The following R3HCC1L variants were observed in gnomAD, a reference collection of about 807,000 sequenced individuals.
The protein encoded by R3HCC1L is R3H domain and coiled-coil containing 1 like, also known as coiled-coil domain-containing protein R3HCC1L.
In R3HCC1L, 51 loss-of-function variants were observed where a neutral mutation model predicts 59.9. The observed-to-expected ratio is 0.85, with a 90% CI of 0.68 to 1.07. R3HCC1L has a LOEUF of 1.07. R3HCC1L is among the 50% of genes least tolerant of loss of function. The pLI is 0.00. For synonymous variants in R3HCC1L, 322 were observed against 315.2 expected (o/e 1.02, Z -0.23); for missense variants, 965 against 933.0 (o/e 1.03, Z -0.45).
intron 4 of R3HCC1L, among the ~76,000 whole-genome samples, chr10:98,180,850 T>C (rs1849551869): frequency 6.6e-6 from 1 of 152,184 alleles, no homozygotes. Context: ...TAAAGTCTGT[T>C]TTATGAGACT....
Position 98,208,515 on chromosome 10 carries a change from C to T in R3HCC1L, c.401C>T (p.Ala134Val), listed in dbSNP as rs777525173. The part of the protein sequence containing the change: ...GAPNAGVITN[A>V]PLQRHFKPKK... ...CCAAATGCTGGGGTTATAACTAATG[C>T]ACCTTTGCAGAGACATTTTAAACCA... Residue 134 changes from alanine (A) to valine (V), a missense_variant, in exon 5 of 10, where the codon GCA (alanine) becomes GTA (valine). Coordinates refer to ENST00000298999, the MANE Select transcript of R3HCC1L (RefSeq NM_001351015.2). 5.6e-6 allele frequency: 9 copies of T among 1,614,136 alleles called. No homozygotes were observed. The South Asian group carries it at 8.8e-5, about 16-fold the overall frequency.
intron 1 of R3HCC1L, among the ~76,000 whole-genome samples, chr10:98,155,143 A>G (rs1368875926): frequency 6.6e-6 from 1 of 152,160 alleles, no homozygotes; most frequent in Non-Finnish European, 1.5e-5. Context: ...TTTTTGGCCA[A>G]TGTTTTTAAT....
chr10:98,145,474 G>A (rs1186609984), intron 1 of R3HCC1L, among the ~76,000 whole-genome samples: 1 of 152,178 alleles, frequency 6.6e-6, no homozygotes, highest in Admixed American at 6.5e-5. Flanking sequence ...AATATATTCA[G>A]TTTTAGGCAT....
intron 4 of R3HCC1L, among the ~76,000 whole-genome samples, chr10:98,194,207 A>G (rs1023614376): frequency 6.6e-6 from 1 of 151,970 alleles, no homozygotes; most frequent in Non-Finnish European, 1.5e-5. Context: ...TTTGATGAGC[A>G]TACCAAGACT....
At chr10:98,186,550 CAG>C (rs1850238997) in intron 4 of R3HCC1L, 1 of 966,582 alleles carries the variant, frequency 1.0e-6, no homozygotes, top group African/African-American at 1.8e-5. Context: ...TCTGAGACTC[CAG>C]AGTCACCTAA....
chr10:98,183,666 G>C lies in R3HCC1L; in HGVS notation c.-15+20269G>C, dbSNP rs958816959. Reference sequence around the variant, plus strand: ...GTTTTTCATTCTCTTGTCATGTTTTGTGGGAGTAGTTTCTGTTGATGTCTT... The same window carrying C: ...GTTTTTCATTCTCTTGTCATGTTTTCTGGGAGTAGTTTCTGTTGATGTCTT... On this transcript the variant is annotated intron_variant, in intron 4 of 9. Transcript: ENST00000298999. Among the ~76,000 whole-genome samples the C allele has an allele frequency of 1.1e-4, 16 of 151,984 alleles. No individual in the cohort carries two copies. The East Asian group carries it at 1.2e-3, about 11-fold the overall frequency.
Position 98,209,860 on chromosome 10 carries a change from C to T in R3HCC1L, c.1746C>T (p.Asn582=), listed in dbSNP as rs538813584. Residue 582 remains asparagine (N), a synonymous_variant, in exon 5 of 10, where the codon AAC becomes AAT. Coordinates refer to ENST00000298999, the MANE Select transcript of R3HCC1L (RefSeq NM_001351015.2). ...AIEESWESMF[N]DDGDCLDPRL... ...AGGAGAGCTGGGAGTCTATGTTTAACGATGATGGTGACTGCCTGGATCCAC... is the reference window on the plus strand; with the variant it reads ...AGGAGAGCTGGGAGTCTATGTTTAATGATGATGGTGACTGCCTGGATCCAC... The T allele has an allele frequency of 2.5e-5, 41 of 1,613,246 alleles. No individual in the cohort carries two copies. Among genetic ancestry groups the T allele is most frequent in the Admixed American group, 1.7e-4 (10 of 59,972 alleles).
intron 5 of R3HCC1L, among the ~76,000 whole-genome samples, chr10:98,223,971 A>G (rs1855364142): frequency 1.3e-5 from 2 of 152,140 alleles, no homozygotes; most frequent in African/African-American, 2.4e-5. Context: ...CTGGCTCCCA[A>G]GCAGCACGCA....
intron 5 of R3HCC1L, among the ~76,000 whole-genome samples, chr10:98,230,855 A>G (rs1185892040): frequency 1.3e-5 from 2 of 152,010 alleles, no homozygotes; most frequent in Admixed American, 1.3e-4. Flanking sequence ...AGCTTTTTTT[A>G]TAGGACGGTA....
chr10:98,167,469 A>G (rs1287241615), intron 4 of R3HCC1L, among the ~76,000 whole-genome samples: 2 of 152,238 alleles, frequency 1.3e-5, no homozygotes, highest in Admixed American at 6.5e-5. Flanking sequence ...ACTCTACCTC[A>G]TTTATAAGTA....
At chr10:98,137,349 T>C (rs1844700076) in intron 1 of R3HCC1L, among the ~76,000 whole-genome samples, 1 of 152,376 alleles carries the variant, frequency 6.6e-6, no homozygotes, top group African/African-American at 2.4e-5. Flanking sequence ...GTAAATGGCA[T>C]TATGTCACAA....
intron 4 of R3HCC1L, among the ~76,000 whole-genome samples, chr10:98,169,069 T>A (rs1848240804): frequency 6.6e-6 from 1 of 152,214 alleles, no homozygotes. Context: ...TGAATTATTG[T>A]CAGCCTTTTT....
chr10:98,153,705 G>T (rs553756263), intron 1 of R3HCC1L, among the ~76,000 whole-genome samples: 1 of 150,020 alleles, frequency 6.7e-6, no homozygotes, highest in African/African-American at 2.4e-5. Flanking sequence ...TGGACTGTTT[G>T]TGGCAATAAG....
intron 5 of R3HCC1L, among the ~76,000 whole-genome samples, 153 bp from the exon 6 acceptor site, chr10:98,231,359 G>T (rs1191470560): frequency 6.6e-6 from 1 of 152,152 alleles, no homozygotes; most frequent in East Asian, 1.9e-4. Flanking sequence ...GATCATTATT[G>T]TATCTGTGAG....
At chr10:98,180,157 G>A (rs568856282) in intron 4 of R3HCC1L, among the ~76,000 whole-genome samples, 11 of 152,106 alleles carry the variant, frequency 7.2e-5, no homozygotes, top group South Asian at 4.2e-4. Flanking sequence ...TTAGGGTGTC[G>A]ATTTTAGATC....
Position 98,236,004 on chromosome 10 carries a change from C to A in R3HCC1L, c.2129-20C>A, listed in dbSNP as rs1246439218. The A allele has an allele frequency of 6.2e-7, 1 of 1,609,120 alleles. No homozygotes were observed. The highest frequency in any genetic ancestry group is 1.7e-5 in the Admixed American group (1 of 59,418). On this transcript the variant is annotated intron_variant, in intron 8 of 9. Coordinates refer to ENST00000298999, the MANE Select transcript of R3HCC1L (RefSeq NM_001351015.2). The stretch of plus-strand genomic sequence containing the variant: ...CTCTCTTCTTGACTCCTTCCTACTC[C>A]CTTCCTTTCTTCGATTCAGAGTTCC...
intron 5 of R3HCC1L, among the ~76,000 whole-genome samples, chr10:98,230,384 A>G (rs1216663722): frequency 5.9e-5 from 9 of 152,128 alleles, no homozygotes; most frequent in Non-Finnish European, 1.3e-4. Flanking sequence ...TGTTTATAGT[A>G]TTCTCTGATG....
intron 1 of R3HCC1L, among the ~76,000 whole-genome samples, chr10:98,146,308 G>A (rs574014859): frequency 5.9e-5 from 9 of 152,052 alleles, no homozygotes; most frequent in Non-Finnish European, 1.0e-4. Context: ...AGGGATATCC[G>A]TCACCTTACA....
chr10:98,191,132 A>G (rs1307163452), intron 4 of R3HCC1L, among the ~76,000 whole-genome samples: 1 of 152,088 alleles, frequency 6.6e-6, no homozygotes, highest in Non-Finnish European at 1.5e-5. Context: ...GTGTGTCTTT[A>G]TAGTAGCATG....
Sources: allele counts gnomAD v4.1 joint callset (sites outside exome capture counted in the v4.1 genomes callset), GRCh38; gene constraint gnomAD v4.1.1; transcripts MANE v1.5; gene names NCBI Gene and HGNC (gene_info 2026-07-23, HGNC 2026-07-21).